The following CLOCK variants were observed in gnomAD, a reference collection of about 807,000 sequenced individuals.
CLOCK encodes circadian locomoter output cycles protein kaput.
Under a neutral mutation model 118.4 loss-of-function variants are expected in CLOCK, and 43 were observed. That is an observed-to-expected ratio of 0.36 (90% confidence interval 0.28 to 0.47). The LOEUF is 0.47. CLOCK is among the 20% of genes least tolerant of loss of function. The probability of loss-of-function intolerance (pLI) is 1.00; values close to 1 mark genes in which losing one functional copy is unlikely to be tolerated. For missense variants in CLOCK, 846 were observed against 999.9 expected, an observed-to-expected ratio of 0.85 and a Z score of 2.08; for synonymous variants, 326 against 339.2, an observed-to-expected ratio of 0.96 and a Z score of 0.43.
chr4:55,476,040 A>T lies in CLOCK; in HGVS notation c.271T>A (p.Ser91Thr). Residue 91 changes from serine to threonine, a missense_variant, in exon 7 of 23, where the codon TCA becomes ACA. Ser to Thr is a moderately conservative substitution (Grantham distance 58, BLOSUM62 1). Transcript: ENST00000513440. ...TCCTGTCGAATTTCACTAGCATCTG[A>T]CTGTGCAGTGATTTCTGTAAACAGA... ...LRKHKEITAQSDASEIRQDWK... is the reference protein window; with the variant it reads ...LRKHKEITAQTDASEIRQDWK... 6.2e-7 allele frequency: 1 copy of T among 1,612,236 alleles called. No homozygotes were observed.
intron 1 of CLOCK, among the ~76,000 whole-genome samples, chr4:55,511,042 C>G (rs1387561329): frequency 2.6e-5 from 4 of 152,126 alleles, no homozygotes. Flanking sequence ...GGGACCTTTG[C>G]AAGAGCCCAA....
intron 2 of CLOCK, among the ~76,000 whole-genome samples, chr4:55,497,191 T>C (rs1400841086): frequency 6.6e-6 from 1 of 152,060 alleles, no homozygotes; most frequent in Non-Finnish European, 1.5e-5. Flanking sequence ...GCAGAGAATG[T>C]TTCCTTGCCT....
intron 1 of CLOCK, among the ~76,000 whole-genome samples, chr4:55,541,062 G>A (rs1463393888): frequency 6.6e-6 from 1 of 152,130 alleles, no homozygotes; most frequent in Non-Finnish European, 1.5e-5. Context: ...AAAATTAACA[G>A]AATTACATCT....
chr4:55,456,389 G>A, intron 11 of CLOCK, 89 bp from the exon 12 acceptor site: 1 of 881,380 alleles, frequency 1.1e-6, no homozygotes, highest in South Asian at 1.5e-5. Flanking sequence ...ATGGCCAGGT[G>A]CAGTGGCTCA....
At chr4:55,505,159 A>C (rs201541553) in intron 2 of CLOCK, among the ~76,000 whole-genome samples, 7 of 95,872 alleles carry the variant, frequency 7.3e-5, no homozygotes, top group Admixed American at 4.9e-4. Flanking sequence ...TCACCCCCCC[A>C]CCAAAAAAAA....
rs190276573 is a variant in CLOCK, at chr4:55,482,897, G to A, written c.-43-69C>T. On this transcript the variant is annotated intron_variant, in intron 3 of 22. Coordinates refer to ENST00000513440, the MANE Select transcript of CLOCK (RefSeq NM_004898.4). ...TGTTACTTCCACAAACTTATCTTGAGAAATACTATATGTTATCACAGAGAC... is the reference window on the plus strand; with the variant it reads ...TGTTACTTCCACAAACTTATCTTGAAAAATACTATATGTTATCACAGAGAC... The A allele has an allele frequency of 6.4e-5, 46 of 719,772 alleles. No homozygotes were observed. The Admixed American group carries it at 8.1e-4, about 13-fold the overall frequency. 44.6% of individuals were successfully genotyped at this position (719,772 alleles called of 1,614,324 possible). A position where few individuals can be genotyped will look rare whatever the true frequency, so the allele number is the denominator to read the frequency against.
At chr4:55,492,197 C>G (rs993461561) in intron 2 of CLOCK, among the ~76,000 whole-genome samples, 1 of 152,032 alleles carries the variant, frequency 6.6e-6, no homozygotes, top group African/African-American at 2.4e-5. Context: ...ACCACATGAC[C>G]AGGTGGTATT....
chr4:55,432,607 C>T lies in CLOCK; in HGVS notation c.*2808G>A, dbSNP rs954620669. On this transcript the variant is annotated 3_prime_UTR_variant, in exon 23 of 23. Transcript: ENST00000513440. ...ACACTGCTGAATCTTCATTTGAATG[C>T]TCAAGTTTCATGGGGCAGGGTGGGG... The T allele has an allele frequency of 1.1e-4, 14 of 123,312 alleles. No individual in the cohort carries two copies. The highest frequency in any genetic ancestry group is 7.7e-4 in the South Asian group (3 of 3,902). The allele number at this position is 123,312 out of a possible 1,614,324, so 7.6% of individuals were successfully genotyped here. A position where few individuals can be genotyped will look rare whatever the true frequency, so the allele number is the denominator to read the frequency against.
chr4:55,442,248 C>G (rs1037462295), intron 21 of CLOCK, 184 bp downstream of exon 21: 7 of 577,114 alleles, frequency 1.2e-5, no homozygotes, highest in Non-Finnish European at 2.1e-5. Flanking sequence ...TTGTTGTTAC[C>G]CTTTAATTAT....
chr4:55,456,189 C>T, intron 12 of CLOCK, 29 bp downstream of exon 12: 2 of 1,492,458 alleles, frequency 1.3e-6, no homozygotes, highest in Non-Finnish European at 1.9e-6. Context: ...TGACTATTAC[C>T]TTTTCATGGA....
chr4:55,512,546 A>G (rs1376195308), intron 1 of CLOCK, among the ~76,000 whole-genome samples: 1 of 152,078 alleles, frequency 6.6e-6, no homozygotes, highest in Admixed American at 6.5e-5. Context: ...TATTCTTTTG[A>G]TAAGTACCTC....
intron 2 of CLOCK, among the ~76,000 whole-genome samples, chr4:55,493,036 G>A (rs572720829): frequency 1.3e-5 from 2 of 152,142 alleles, no homozygotes; most frequent in African/African-American, 4.8e-5. Context: ...TTTCTCCCAT[G>A]AACATGCATT....
At chr4:55,477,046 G>T (rs1054698723) in intron 6 of CLOCK, among the ~76,000 whole-genome samples, 2 of 151,952 alleles carry the variant, frequency 1.3e-5, no homozygotes, top group Non-Finnish European at 2.9e-5. Context: ...ATACAGTTGT[G>T]TTTTTCAAAT....
chr4:55,532,928 G>A (rs1025337401), intron 1 of CLOCK, among the ~76,000 whole-genome samples: 5 of 152,004 alleles, frequency 3.3e-5, no homozygotes, highest in East Asian at 1.9e-4. Flanking sequence ...TAAAAGACTT[G>A]TACTCTGAAA....
intron 9 of CLOCK, among the ~76,000 whole-genome samples, chr4:55,460,474 A>C (rs575224793): frequency 3.3e-5 from 5 of 152,308 alleles, no homozygotes; most frequent in African/African-American, 1.2e-4. Flanking sequence ...TTATTTCCCA[A>C]GTTAGAAACC....
chr4:55,531,703 C>CAA lies in CLOCK; in HGVS notation c.-290+15077_-290+15078dup, dbSNP rs373796432. Among the ~76,000 whole-genome samples, 222 of 41,280 alleles carry CAA rather than the reference C, an allele frequency of 5.4e-3. 11 individuals carry two copies. The highest frequency in any genetic ancestry group is 0.017 in the African/African-American group (191 of 11,296). 27.1% of individuals were successfully genotyped at this position (41,280 alleles called of 152,430 possible). A position where few individuals can be genotyped will look rare whatever the true frequency, so the allele number is the denominator to read the frequency against. On this transcript the variant is annotated intron_variant, in intron 1 of 22. Transcript: ENST00000513440. ...CTGGCGACAGAGCAAGACTTCGTCT[C>CAA]AAAAAAAAAAAAAAAAAAAAAAAAA...
chr4:55,534,148 T>C (rs1326111166), intron 1 of CLOCK, among the ~76,000 whole-genome samples: 1 of 152,182 alleles, frequency 6.6e-6, no homozygotes, highest in African/African-American at 2.4e-5. Context: ...AATTAATAAT[T>C]ACAGTTGTAA....
rs1161876365 is a variant in CLOCK, at chr4:55,432,482, T to C, written c.*2933A>G. On this transcript the variant is annotated 3_prime_UTR_variant, in exon 23 of 23. Coordinates refer to ENST00000513440, the MANE Select transcript of CLOCK (RefSeq NM_004898.4). ...ATAAAGCAGAGGGAAGACTTTTTTT[T>C]TTTTTTTTTTAAAGCTGGAAGGTGT... The C allele has an allele frequency of 6.6e-6, 1 of 151,296 alleles. No individual in the cohort carries two copies. The highest frequency in any genetic ancestry group is 1.5e-5 in the Non-Finnish European group (1 of 67,880). 9.4% of individuals were successfully genotyped at this position (151,296 alleles called of 1,614,324 possible).
Position 55,435,328 on chromosome 4 carries a change from A to G in CLOCK, c.*87T>C. ...TACTGCATCTCATGAAACTGCTGGA[A>G]CTTTCCCTCCTTTCCTCAGGTCATC... On this transcript the variant is annotated 3_prime_UTR_variant, in exon 23 of 23. Transcript: ENST00000513440. 1 of 1,509,658 alleles carries G rather than the reference A, an allele frequency of 6.6e-7. No homozygotes were observed. The highest frequency in any genetic ancestry group is 2.3e-5 in the East Asian group (1 of 44,228). The allele number at this position is 1,509,658 out of a possible 1,614,324, so 93.5% of individuals were successfully genotyped here.
Sources: allele counts gnomAD v4.1 joint callset (sites outside exome capture counted in the v4.1 genomes callset), GRCh38; gene constraint gnomAD v4.1.1; transcripts MANE v1.5; gene names NCBI Gene and HGNC (gene_info 2026-07-23, HGNC 2026-07-21).